The following MACROD2 variants were observed in gnomAD, a reference collection of about 807,000 sequenced individuals.
MACROD2 encodes mono-ADP ribosylhydrolase 2.
In MACROD2, 36 loss-of-function variants were observed where a neutral mutation model predicts 70.4. The ratio of observed to expected loss-of-function variants is 0.51; its 90% CI spans 0.39 to 0.68. The LOEUF (loss-of-function observed/expected upper bound fraction) is 0.68, where lower values mean the gene tolerates loss of function less well. Among genes scored for constraint, MACROD2 ranks in the 30% least tolerant of loss-of-function variants. The pLI is 0.00. For missense variants in MACROD2, 496 were observed against 538.4 expected, an observed-to-expected ratio of 0.92 and a Z score of 0.78; for synonymous variants, 172 against 178.8, an observed-to-expected ratio of 0.96 and a Z score of 0.30.
chr20:15,433,918 C>G (rs964682933), intron 7 of MACROD2, among the ~76,000 whole-genome samples: 2 of 151,964 alleles, frequency 1.3e-5, no homozygotes, highest in African/African-American at 4.8e-5. Context: ...TGATCTTCAA[C>G]AAAGCATACA....
intron 3 of MACROD2, among the ~76,000 whole-genome samples, chr20:14,338,025 T>C (rs1031104940): frequency 7.9e-5 from 12 of 152,232 alleles, no homozygotes; most frequent in African/African-American, 2.9e-4. Context: ...CTAGCTAAAA[T>C]AATGTTATAA....
chr20:15,318,543 C>A (rs2077839121), intron 6 of MACROD2, among the ~76,000 whole-genome samples: 1 of 152,000 alleles, frequency 6.6e-6, no homozygotes, highest in African/African-American at 2.4e-5. Flanking sequence ...GGACCAAAAT[C>A]CCTTATGATT....
rs865828049 is a variant in MACROD2 at position 15,164,288 on chromosome 20, C to T, written c.419-65652C>T. The stretch of plus-strand genomic sequence containing the variant: ...TTAGGTATTATAAGAAATCTAGAGA[C>T]GATTTAAAGTATACAGGAAGATGTG... On this transcript the variant is annotated intron_variant, in intron 5 of 17. Transcript: ENST00000684519. 4.1e-4 allele frequency among the ~76,000 whole-genome samples: 63 copies of T among 151,998 alleles called. 2 individuals are homozygous for T. Among genetic ancestry groups the T allele is most frequent in the African/African-American group, 1.1e-3 (46 of 41,474 alleles).
chr20:14,749,300 C>G (rs2071839104), intron 5 of MACROD2, among the ~76,000 whole-genome samples: 4 of 151,910 alleles, frequency 2.6e-5, no homozygotes, highest in Admixed American at 2.6e-4. Context: ...CAAGTTCTGT[C>G]TGGGCTGCAC....
rs529930383 is a variant in MACROD2 at position 15,094,361 on chromosome 20, T to C, written c.419-135579T>C. Among the ~76,000 whole-genome samples the C allele has an allele frequency of 2.0e-5, 3 of 152,290 alleles. No homozygotes were observed. In the East Asian group the frequency reaches 5.8e-4, roughly 29 times the overall value. On this transcript the variant is annotated intron_variant, in intron 5 of 17. Transcript: ENST00000684519. ...AGCTGTATTTATGAACCACCTATTATGAGCATGCATTTCCAGCAGCAGTCT... is the reference window on the plus strand; with the variant it reads ...AGCTGTATTTATGAACCACCTATTACGAGCATGCATTTCCAGCAGCAGTCT...
intron 5 of MACROD2, among the ~76,000 whole-genome samples, chr20:14,931,722 G>T (rs1312242025): frequency 7.0e-6 from 1 of 143,312 alleles, no homozygotes; most frequent in Non-Finnish European, 1.5e-5. Context: ...AGTCAGGTGT[G>T]GTGGCTTACA....
rs60298297 is a variant in MACROD2, at chr20:15,433,459, C to CAAAAAAA, written c.571+2038_571+2044dup. Among the ~76,000 whole-genome samples the CAAAAAAA allele has an allele frequency of 8.5e-3, 746 of 88,156 alleles. 28 individuals are homozygous for CAAAAAAA. The highest frequency in any genetic ancestry group is 0.011 in the Admixed American group (85 of 7,500). 57.8% of individuals were successfully genotyped at this position (88,156 alleles called of 152,430 possible). A position where few individuals can be genotyped will look rare whatever the true frequency, so the allele number is the denominator to read the frequency against. On this transcript the variant is annotated intron_variant, in intron 7 of 17. Coordinates refer to ENST00000684519, the MANE Select transcript of MACROD2 (RefSeq NM_001351661.2). ...AACTCAATCCCTTTCACAAGAGCTG[C>CAAAAAAA]AAAAAAAAAAAAAAAAAAAAGATAA...
chr20:14,276,628 A>C (rs1352735945), intron 3 of MACROD2, among the ~76,000 whole-genome samples: 1 of 151,964 alleles, frequency 6.6e-6, no homozygotes, highest in Non-Finnish European at 1.5e-5. Flanking sequence ...AAAGTATAAT[A>C]ATAATAAAAT....
intron 4 of MACROD2, among the ~76,000 whole-genome samples, chr20:14,569,207 TA>T (rs1217394555): frequency 6.6e-6 from 1 of 152,044 alleles, no homozygotes; most frequent in African/African-American, 2.4e-5. Flanking sequence ...CATTTCTAGC[TA>T]AATCTATGCT....
intron 3 of MACROD2, among the ~76,000 whole-genome samples, chr20:14,253,494 C>T (rs1049136638): frequency 6.6e-6 from 1 of 151,858 alleles, no homozygotes; most frequent in African/African-American, 2.4e-5. Context: ...ACTAATTTCT[C>T]CTACTTTGGA....
chr20:14,779,470 C>T (rs983848951), intron 5 of MACROD2, among the ~76,000 whole-genome samples: 6 of 152,000 alleles, frequency 3.9e-5, no homozygotes, highest in Non-Finnish European at 8.8e-5. Flanking sequence ...TGTAGGTCCT[C>T]TTCCAGCCCA....
chr20:14,174,779 C>CA (rs2081250216), intron 3 of MACROD2, among the ~76,000 whole-genome samples: 1 of 152,214 alleles, frequency 6.6e-6, no homozygotes. Flanking sequence ...GTTCCTTTGG[C>CA]AGCCCTTCCC....
At chr20:14,325,436 A>G (rs2082717342) in intron 3 of MACROD2, 1 of 1,023,462 alleles carries the variant, frequency 9.8e-7, no homozygotes, top group Non-Finnish European at 1.4e-6. Flanking sequence ...TGGCAAATGT[A>G]CAGTACATTG....
At chr20:14,757,816 C>G (rs192074095) in intron 5 of MACROD2, 7 of 1,530,494 alleles carry the variant, frequency 4.6e-6, no homozygotes, top group Non-Finnish European at 6.3e-6. Flanking sequence ...TTCATCTGCC[C>G]CCGGAGATTG....
intron 4 of MACROD2, 89 bp from the exon 5 acceptor site, chr20:14,684,754 C>A: frequency 4.1e-6 from 4 of 978,734 alleles, no homozygotes; most frequent in Non-Finnish European, 6.2e-6. Flanking sequence ...ACAGGAAGAA[C>A]AAATTGAGTT....
At chr20:14,216,225 G>A (rs150859243) in intron 3 of MACROD2, among the ~76,000 whole-genome samples, 6 of 152,202 alleles carry the variant, frequency 3.9e-5, no homozygotes, top group African/African-American at 1.2e-4. Context: ...CCTACAGGTG[G>A]CTAGCCAATT....
chr20:15,506,069 G>A (rs929318638), intron 8 of MACROD2, among the ~76,000 whole-genome samples: 11 of 152,128 alleles, frequency 7.2e-5, no homozygotes, highest in Non-Finnish European at 1.2e-4. Flanking sequence ...TGGCAGCATC[G>A]CTCTGAGACA....
chr20:14,868,996 C>T, intron 5 of MACROD2, among the ~76,000 whole-genome samples: 1 of 152,140 alleles, frequency 6.6e-6, no homozygotes, highest in East Asian at 1.9e-4. Context: ...GGCCCTTGTT[C>T]ACAAATTATC....
intron 5 of MACROD2, among the ~76,000 whole-genome samples, chr20:15,203,664 C>T (rs980226169): frequency 2.0e-5 from 3 of 151,826 alleles, no homozygotes; most frequent in African/African-American, 7.3e-5. Flanking sequence ...ATGAACTAAA[C>T]TAAGATAATT....
Sources: allele counts gnomAD v4.1 joint callset (sites outside exome capture counted in the v4.1 genomes callset), GRCh38; gene constraint gnomAD v4.1.1; transcripts MANE v1.5; gene names NCBI Gene and HGNC (gene_info 2026-07-23, HGNC 2026-07-21).